Variants in RCAN2 observed in about 807,000 individuals in gnomAD.
The protein encoded by RCAN2 is calcipressin-2.
In RCAN2, 9 loss-of-function variants were observed where a neutral mutation model predicts 23.6. The observed-to-expected ratio is 0.38, with a 90% CI of 0.23 to 0.67. RCAN2 has a LOEUF of 0.67. Among genes scored for constraint, RCAN2 ranks in the 30% least tolerant of loss-of-function variants. RCAN2 has a pLI of 0.51. For missense variants in RCAN2, 273 were observed against 302.3 expected (o/e 0.90, Z 0.72); for synonymous variants, 109 against 115.7 (o/e 0.94, Z 0.37).
chr6:46,427,649 A>T (rs750340320), intron 2 of RCAN2, among the ~76,000 whole-genome samples: 22 of 152,186 alleles, frequency 1.4e-4, no homozygotes, highest in African/African-American at 3.1e-4. Flanking sequence ...TTGCTTTCTG[A>T]CATCCTGCTC....
At chr6:46,247,193 G>A (rs1331127533) in intron 3 of RCAN2, among the ~76,000 whole-genome samples, 3 of 152,048 alleles carry the variant, frequency 2.0e-5, no homozygotes, top group Admixed American at 6.5e-5. Flanking sequence ...TCTGATTCAG[G>A]AGGCCTGGGA....
intron 2 of RCAN2, among the ~76,000 whole-genome samples, chr6:46,427,224 C>G (rs1167953792): frequency 6.6e-6 from 1 of 151,950 alleles, no homozygotes; most frequent in Non-Finnish European, 1.5e-5. Flanking sequence ...CCTTAAAAAC[C>G]ACATTATCAT....
intron 2 of RCAN2, among the ~76,000 whole-genome samples, chr6:46,269,777 G>A (rs1405080024): frequency 6.6e-6 from 1 of 152,182 alleles, no homozygotes; most frequent in Non-Finnish European, 1.5e-5. Flanking sequence ...CCAGGATTGG[G>A]CAGAGGGAGG....
chr6:46,263,443 T>C (rs781122358), intron 2 of RCAN2, among the ~76,000 whole-genome samples: 31 of 151,252 alleles, frequency 2.0e-4, no homozygotes, highest in Non-Finnish European at 4.1e-4. Context: ...GAGTAATGTG[T>C]CATCAGAGAG....
chr6:46,485,115 CAT>C (rs1403097627), intron 1 of RCAN2, among the ~76,000 whole-genome samples: 1 of 152,034 alleles, frequency 6.6e-6, no homozygotes, highest in Admixed American at 6.6e-5. Flanking sequence ...TAATCCAAAA[CAT>C]AGAAAAAAAT....
chr6:46,333,884 C>CA (rs1449307053), intron 2 of RCAN2, among the ~76,000 whole-genome samples: 1 of 152,216 alleles, frequency 6.6e-6, no homozygotes, highest in African/African-American at 2.4e-5. Flanking sequence ...CTAGAGACCT[C>CA]AATGAGTTTT....
At chr6:46,434,575 C>T (rs1173882251) in intron 2 of RCAN2, among the ~76,000 whole-genome samples, 2 of 152,172 alleles carry the variant, frequency 1.3e-5, no homozygotes, top group East Asian at 3.8e-4. Flanking sequence ...AAGAAAAGAA[C>T]TCAGAATGAG....
chr6:46,468,274 C>A (rs970849718), intron 1 of RCAN2, among the ~76,000 whole-genome samples: 1 of 152,134 alleles, frequency 6.6e-6, no homozygotes, highest in African/African-American at 2.4e-5. Context: ...GAATATGGAC[C>A]ACTGTTCTAA....
intron 2 of RCAN2, among the ~76,000 whole-genome samples, chr6:46,256,716 T>A (rs1438765031): frequency 6.6e-6 from 1 of 151,946 alleles, no homozygotes; most frequent in Non-Finnish European, 1.5e-5. Context: ...TTAAAAAGAC[T>A]CAAACATGGC....
chr6:46,469,408 C>G lies in RCAN2; in HGVS notation c.-2-12430G>C, dbSNP rs901043124. 3.3e-5 allele frequency among the ~76,000 whole-genome samples: 5 copies of G among 152,346 alleles called. No individual in the cohort carries two copies. In the East Asian group the frequency reaches 9.6e-4, roughly 29 times the overall value. On this transcript the variant is annotated intron_variant, in intron 1 of 4. Coordinates refer to ENST00000371374, the MANE Select transcript of RCAN2 (RefSeq NM_001251974.2). ...ACCAGTTCACCACATCCCTCACCCCCTCCAGCAGCTGATCAGTGGCTAGGG... is the reference window on the plus strand; with the variant it reads ...ACCAGTTCACCACATCCCTCACCCCGTCCAGCAGCTGATCAGTGGCTAGGG...
In RCAN2 at chr6:46,461,805, C is replaced by T. The variant is rs143992009; in HGVS notation, c.-2-4827G>A. Among the ~76,000 whole-genome samples, 1,504 of 152,146 alleles carry T rather than the reference C, an allele frequency of 9.9e-3. 18 individuals carry two copies. Among genetic ancestry groups the T allele is most frequent in the African/African-American group, 0.034 (1,424 of 41,510 alleles). ...TTTTCCATGTTGGTCAGCCTGATCT[C>T]GAACTCCCGACCTCAGGTGATCCGC... On this transcript the variant is annotated intron_variant, in intron 1 of 4. Coordinates refer to ENST00000371374, the MANE Select transcript of RCAN2 (RefSeq NM_001251974.2).
intron 2 of RCAN2, among the ~76,000 whole-genome samples, chr6:46,326,681 C>G (rs1425451430): frequency 6.6e-6 from 1 of 152,216 alleles, no homozygotes; most frequent in African/African-American, 2.4e-5. Flanking sequence ...AACATTGTAG[C>G]AGTATCTATC....
intron 2 of RCAN2, among the ~76,000 whole-genome samples, chr6:46,373,389 T>C (rs939827105): frequency 6.6e-6 from 1 of 152,088 alleles, no homozygotes; most frequent in Non-Finnish European, 1.5e-5. Context: ...CTCAGCCTCC[T>C]GAGTAGCGGG....
chr6:46,413,443 A>G (rs533171400), intron 2 of RCAN2, among the ~76,000 whole-genome samples: 1 of 152,328 alleles, frequency 6.6e-6, no homozygotes, highest in African/African-American at 2.4e-5. Flanking sequence ...CAGTTCTGTT[A>G]TGCAGTTAAG....
chr6:46,345,611 A>G (rs1764459149), intron 2 of RCAN2, among the ~76,000 whole-genome samples: 1 of 152,168 alleles, frequency 6.6e-6, no homozygotes, highest in Admixed American at 6.5e-5. Context: ...CCTTTTAGGA[A>G]GTCCACAAGG....
intron 2 of RCAN2, among the ~76,000 whole-genome samples, chr6:46,401,549 G>T (rs1264425501): frequency 1.3e-5 from 2 of 152,146 alleles, no homozygotes; most frequent in Non-Finnish European, 2.9e-5. Flanking sequence ...AAGTGTCCTT[G>T]CTTGAATTTA....
chr6:46,263,093 G>A (rs1767169773), intron 2 of RCAN2, among the ~76,000 whole-genome samples: 3 of 152,180 alleles, frequency 2.0e-5, no homozygotes, highest in African/African-American at 7.2e-5. Flanking sequence ...ACTATTGAGT[G>A]CCAACTGTGT....
chr6:46,222,050 A>G lies in RCAN2; in HGVS notation c.*1091T>C, dbSNP rs1252607937. 3 of 398,354 alleles carry G rather than the reference A, an allele frequency of 7.5e-6. No individual in the cohort carries two copies. Among genetic ancestry groups the G allele is most frequent in the African/African-American group, 4.1e-5 (2 of 48,620 alleles). 24.7% of individuals were successfully genotyped at this position (398,354 alleles called of 1,614,324 possible). A position where few individuals can be genotyped will look rare whatever the true frequency, so the allele number is the denominator to read the frequency against. The stretch of plus-strand genomic sequence containing the variant: ...TTCATCCCAATAATCTACAACTGAC[A>G]CTTGCATCTTTATTTAAAAACAAGT... On this transcript the variant is annotated 3_prime_UTR_variant, in exon 5 of 5. Coordinates refer to ENST00000371374, the MANE Select transcript of RCAN2 (RefSeq NM_001251974.2).
chr6:46,275,906 T>C (rs560972304), intron 2 of RCAN2, among the ~76,000 whole-genome samples: 1 of 152,296 alleles, frequency 6.6e-6, no homozygotes, highest in African/African-American at 2.4e-5. Context: ...TGGGTTCTTT[T>C]CCCAAATGAA....
Sources: allele counts gnomAD v4.1 joint callset (sites outside exome capture counted in the v4.1 genomes callset), GRCh38; gene constraint gnomAD v4.1.1; transcripts MANE v1.5; gene names NCBI Gene and HGNC (gene_info 2026-07-23, HGNC 2026-07-21).